Variants in ZIM2 observed in about 807,000 individuals in gnomAD.
ZIM2 encodes zinc finger protein 656.
Under a neutral mutation model 38.6 loss-of-function variants are expected in ZIM2, and 14 were observed. The ratio of observed to expected loss-of-function variants is 0.36; its 90% CI spans 0.24 to 0.57. The LOEUF (loss-of-function observed/expected upper bound fraction) is 0.57, where lower values mean the gene tolerates loss of function less well. Ranked by LOEUF, ZIM2 falls within the 20% of genes least tolerant of loss-of-function variation. The pLI, the probability that ZIM2 is intolerant of heterozygous loss-of-function variation, is 0.81. For missense variants in ZIM2, 680 were observed against 695.1 expected (o/e 0.98, Z 0.24); for synonymous variants, 247 against 245.8 (o/e 1.00, Z -0.04).
chr19:56,839,492 C>T (rs1003324875), intron 1 of ZIM2, among the ~76,000 whole-genome samples: 3 of 151,974 alleles, frequency 2.0e-5, no homozygotes, highest in Admixed American at 6.6e-5. Context: ...CCATATGCCA[C>T]CAACCAACCA....
intron 4 of ZIM2, among the ~76,000 whole-genome samples, chr19:56,823,919 G>A (rs1349965016): frequency 3.9e-5 from 6 of 152,146 alleles, no homozygotes; most frequent in African/African-American, 1.4e-4. Context: ...CAAACAGCCA[G>A]AAGGCAACCT....
intron 10 of ZIM2, among the ~76,000 whole-genome samples, chr19:56,786,841 CTTGT>C (rs772749368): frequency 6.6e-6 from 1 of 151,850 alleles, no homozygotes; most frequent in Non-Finnish European, 1.5e-5. Flanking sequence ...TTTTGTTTTT[CTTGT>C]TTGTTTTTTG....
At chr19:56,826,617 T>G (rs112588021) in intron 2 of ZIM2, among the ~76,000 whole-genome samples, 154 bp from the exon 3 acceptor site, 5 of 152,318 alleles carry the variant, frequency 3.3e-5, no homozygotes, top group African/African-American at 1.2e-4. Context: ...TCCCATGCTA[T>G]ATAAACCATG....
intron 11 of ZIM2, among the ~76,000 whole-genome samples, chr19:56,781,449 T>C (rs2046327739): frequency 6.6e-6 from 1 of 152,212 alleles, no homozygotes; most frequent in African/African-American, 2.4e-5. Flanking sequence ...TCTTTGGAGC[T>C]CCTGGAATTT....
At chr19:56,781,844 G>A (rs2046347599) in intron 11 of ZIM2, 109 bp downstream of exon 11, 1 of 1,389,418 alleles carries the variant, frequency 7.2e-7, no homozygotes, top group East Asian at 2.3e-5. Context: ...GACCTGGGTT[G>A]AGACTCACTG....
intron 1 of ZIM2, among the ~76,000 whole-genome samples, chr19:56,838,191 A>T (rs765404347): frequency 2.9e-4 from 44 of 152,302 alleles, no homozygotes; most frequent in Middle Eastern, 3.4e-3. Flanking sequence ...AGTCATTCAA[A>T]CCAGTGCCTG....
intron 9 of ZIM2, chr19:56,799,413 A>C (rs182309752): frequency 6.6e-6 from 1 of 152,278 alleles, no homozygotes; most frequent in Non-Finnish European, 1.5e-5. Flanking sequence ...ACACATGGAC[A>C]CATGGTGGGG....
intron 9 of ZIM2, chr19:56,799,638 T>C (rs2047410204): frequency 6.6e-6 from 1 of 152,156 alleles, no homozygotes; most frequent in African/African-American, 2.4e-5. Flanking sequence ...ACCCTAAACA[T>C]ATACCTACTA....
intron 1 of ZIM2, among the ~76,000 whole-genome samples, chr19:56,839,256 GC>G (rs76183558): frequency 1.3e-5 from 2 of 149,976 alleles, no homozygotes. Flanking sequence ...AACTCCAGCA[GC>G]CCCCATCAAA....
At chr19:56,783,087 A>G (rs551339966) in intron 10 of ZIM2, among the ~76,000 whole-genome samples, 1 of 152,124 alleles carries the variant, frequency 6.6e-6, no homozygotes, top group South Asian at 2.1e-4. Context: ...ATTCCTAGGT[A>G]TATTTACTCA....
chr19:56,823,169 T>TA (rs2060666270), intron 5 of ZIM2, among the ~76,000 whole-genome samples: 1 of 152,088 alleles, frequency 6.6e-6, no homozygotes, highest in African/African-American at 2.4e-5. Context: ...GCAGACCCCC[T>TA]ACTGTCTGGC....
chr19:56,839,217 C>A (rs2062633252), intron 1 of ZIM2, among the ~76,000 whole-genome samples: 1 of 152,174 alleles, frequency 6.6e-6, no homozygotes, highest in Non-Finnish European at 1.5e-5. Context: ...CATCTGCCAC[C>A]AACCAACCAG....
chr19:56,823,788 G>A, intron 4 of ZIM2, 109 bp from the exon 5 acceptor site: 2 of 1,285,036 alleles, frequency 1.6e-6, no homozygotes, highest in Non-Finnish European at 2.2e-6. Flanking sequence ...TGGTTGGAAT[G>A]ACCTGATCCT....
At chr19:56,837,762 C>T (rs965680840) in intron 1 of ZIM2, among the ~76,000 whole-genome samples, 2 of 152,250 alleles carry the variant, frequency 1.3e-5, no homozygotes, top group African/African-American at 2.4e-5. Context: ...CTTGAAATCC[C>T]CTCAGCCCCC....
chr19:56,822,296 G>A (rs550093607), intron 6 of ZIM2, among the ~76,000 whole-genome samples: 14 of 152,306 alleles, frequency 9.2e-5, no homozygotes, highest in African/African-American at 3.4e-4. Flanking sequence ...ACAATACACT[G>A]GTGTGATGAT....
chr19:56,779,515 C>T (rs1305854136), intron 11 of ZIM2, 43 bp from the exon 12 acceptor site: 1 of 1,586,108 alleles, frequency 6.3e-7, no homozygotes, highest in Non-Finnish European at 8.6e-7. Flanking sequence ...TCAGTAACTC[C>T]CAACCTTAGG....
At chr19:56,813,604 G>T in intron 9 of ZIM2, 1 of 1,525,896 alleles carries the variant, frequency 6.6e-7, no homozygotes, top group Non-Finnish European at 8.8e-7. Context: ...ATCATGGATT[G>T]GTTTGGATTC....
At chr19:56,797,084 G>C (rs1432217781) in intron 9 of ZIM2, among the ~76,000 whole-genome samples, 1 of 152,074 alleles carries the variant, frequency 6.6e-6, no homozygotes, top group Non-Finnish European at 1.5e-5. Context: ...GGCTGAGGCA[G>C]GCAGATGACC....
Position 56,823,608 on chromosome 19 carries a change from A to T in ZIM2, c.88T>A (p.Ser30Thr), listed in dbSNP as rs779583199. Residue 30 changes from serine (S) to threonine (T), a missense_variant, in exon 5 of 13, where the codon TCA becomes ACA. Coordinates refer to ENST00000629319, the MANE Select transcript of ZIM2 (RefSeq NM_001387356.1). ...TACTCACCACTGAAAGAATGGACTG[A>T]GTGAGGTGGTGAGGACTCTCTTCTG... The part of the protein sequence containing the change: ...RNRRESSPPH[S>T]VHSFSGDRDW... The T allele has an allele frequency of 1.2e-6, 2 of 1,614,062 alleles. No homozygotes were observed. Among genetic ancestry groups the T allele is most frequent in the East Asian group, 4.5e-5 (2 of 44,850 alleles).
Sources: gnomAD v4.1 joint callset for allele counts (sites outside exome capture counted in the v4.1 genomes callset) on GRCh38, gnomAD v4.1.1 for gene constraint, MANE v1.5 for transcripts, NCBI Gene and HGNC (gene_info 2026-07-23, HGNC 2026-07-21) for gene names.